Variants in F13A1 observed in about 807,000 individuals in gnomAD.
F13A1 encodes the protein FSF, A subunit.
A neutral mutation model predicts 80.1 loss-of-function variants in F13A1; 47 were observed. That is an observed-to-expected ratio of 0.59 (90% CI 0.46 to 0.75). F13A1 has a LOEUF of 0.75. Ranked by LOEUF, F13A1 falls within the 30% of genes least tolerant of loss-of-function variation. The pLI, the probability that F13A1 is intolerant of heterozygous loss-of-function variation, is 0.00. For missense variants in F13A1, 817 were observed against 930.4 expected, an observed-to-expected ratio of 0.88 and a Z score of 1.59; for synonymous variants, 349 against 344.9, an observed-to-expected ratio of 1.01 and a Z score of -0.13.
chr6:6,296,956 AG>A (rs879392221), intron 3 of F13A1, among the ~76,000 whole-genome samples: 2,194 of 147,718 alleles, frequency 0.015, 27 homozygotes, highest in South Asian at 0.024. Flanking sequence ...TTTAGCATGA[AG>A]GGTTGTTGAA....
Position 6,229,526 on chromosome 6 carries a change from A to G in F13A1, c.799-4666T>C, listed in dbSNP as rs141116247. Among the ~76,000 whole-genome samples the G allele has an allele frequency of 4.8e-3, 727 of 152,344 alleles. 8 individuals are homozygous for G. The highest frequency in any genetic ancestry group is 0.016 in the African/African-American group (676 of 41,578). On this transcript the variant is annotated intron_variant, in intron 6 of 14. Transcript: ENST00000264870. ...AGTACCATAGTTATGGAAAACAAAG[A>G]TGATACAACATAAGGATGATTAGTG...
chr6:6,149,305 C>T (rs557684707), intron 14 of F13A1, among the ~76,000 whole-genome samples: 45 of 152,064 alleles, frequency 3.0e-4, no homozygotes, highest in Non-Finnish European at 4.7e-4. Context: ...ATATATGTAT[C>T]GAAACATCAA....
At chr6:6,267,671 G>C (rs762701846) in intron 3 of F13A1, among the ~76,000 whole-genome samples, 1 of 151,948 alleles carries the variant, frequency 6.6e-6, no homozygotes, top group Non-Finnish European at 1.5e-5. Flanking sequence ...AGAATACGTC[G>C]TATTTAAAAA....
At chr6:6,239,154 A>G (rs1030307438) in intron 6 of F13A1, among the ~76,000 whole-genome samples, 8 of 152,196 alleles carry the variant, frequency 5.3e-5, no homozygotes, top group African/African-American at 1.9e-4. Flanking sequence ...CAATGCAATA[A>G]AATACTTCTT....
At chr6:6,237,609 T>C (rs1458293594) in intron 6 of F13A1, among the ~76,000 whole-genome samples, 1 of 152,230 alleles carries the variant, frequency 6.6e-6, no homozygotes, top group African/African-American at 2.4e-5. Context: ...AAAACTCAGC[T>C]GGTTTCACCC....
intron 6 of F13A1, among the ~76,000 whole-genome samples, chr6:6,229,079 T>C: frequency 6.6e-6 from 1 of 152,212 alleles, no homozygotes. Context: ...TGGCCTCAAA[T>C]TGTAGTTCAG....
Position 6,243,013 on chromosome 6 carries a change from T to G in F13A1, c.798+5299A>C, listed in dbSNP as rs1487027654. On this transcript the variant is annotated intron_variant, in intron 6 of 14. Transcript: ENST00000264870. The surrounding 1 kb of genome is among the most constrained non-coding windows in gnomAD (Gnocchi z 4.2). ...AGCTTTGTGAAGGCAGAAACTTAAT[T>G]TTGTTCACAATTGTACTCCAGTGTT... is the stretch of plus-strand genomic sequence containing the variant. 2.0e-5 allele frequency among the ~76,000 whole-genome samples: 3 copies of G among 152,186 alleles called. No homozygotes were observed. The East Asian group carries it at 5.8e-4, about 29-fold the overall frequency.
chr6:6,183,379 T>C (rs1044521821), intron 10 of F13A1, among the ~76,000 whole-genome samples: 1 of 152,236 alleles, frequency 6.6e-6, no homozygotes, highest in Non-Finnish European at 1.5e-5. Context: ...TTGAATAGTA[T>C]TGCCAGATAT....
chr6:6,308,770 G>A (rs1758549981), intron 2 of F13A1, among the ~76,000 whole-genome samples: 1 of 151,822 alleles, frequency 6.6e-6, no homozygotes, highest in Non-Finnish European at 1.5e-5. Context: ...ACACCACCAT[G>A]CCTGGCTAAT....
In F13A1 at chr6:6,152,276, G is replaced by T. The variant is rs759729150; in HGVS notation, c.1909-327C>A. Among the ~76,000 whole-genome samples the T allele has an allele frequency of 4.0e-4, 61 of 152,268 alleles. 1 individual carries two copies. Among genetic ancestry groups the T allele is most frequent in the African/African-American group, 1.4e-3 (60 of 41,540 alleles). ...GGCAACACGTTTCCACGGTGAGGGC[G>T]GCCAAGTGAACTTTGCTTCTGGATA... On this transcript the variant is annotated intron_variant, in intron 13 of 14. Coordinates refer to ENST00000264870, the MANE Select transcript of F13A1 (RefSeq NM_000129.4).
Position 6,222,022 on chromosome 6 carries a change from A to G in F13A1, c.1112+11T>C, listed in dbSNP as rs758486753. 2.7e-5 allele frequency: 44 copies of G among 1,613,484 alleles called. No homozygotes were observed. Among genetic ancestry groups the G allele is most frequent in the East Asian group, 4.5e-5 (2 of 44,878 alleles). On this transcript the variant is annotated intron_variant, in intron 8 of 14. Transcript: ENST00000264870. The stretch of plus-strand genomic sequence containing the variant: ...GTGACATCAGCCAATGCCATTGTCA[A>G]TCAAACTCACCACACTGAATCCTTG...
intron 10 of F13A1, among the ~76,000 whole-genome samples, chr6:6,193,671 T>C (rs1761241049): frequency 6.6e-6 from 1 of 152,198 alleles, no homozygotes; most frequent in African/African-American, 2.4e-5. Flanking sequence ...TATTTAATAA[T>C]AGCAAAAAGT....
rs1461887724 is a variant in F13A1 at position 6,243,072 on chromosome 6, C to G, written c.798+5240G>C. ...TAGATTGCCATAAACATTTGTCAAA[C>G]AAATGAGTAAATACTGAGTGTTTTA... On this transcript the variant is annotated intron_variant, in intron 6 of 14. Transcript: ENST00000264870. The surrounding 1 kb of genome is among the most constrained non-coding windows in gnomAD (Gnocchi z 4.2). Among the ~76,000 whole-genome samples the G allele has an allele frequency of 1.3e-5, 2 of 152,164 alleles. No individual in the cohort carries two copies. Among genetic ancestry groups the G allele is most frequent in the Non-Finnish European group, 2.9e-5 (2 of 68,032 alleles).
At chr6:6,281,700 T>C (rs970198782) in intron 3 of F13A1, among the ~76,000 whole-genome samples, 1 of 151,950 alleles carries the variant, frequency 6.6e-6, no homozygotes, top group Non-Finnish European at 1.5e-5. Context: ...AGATAAAAAA[T>C]GTATGGAGGA....
At chr6:6,234,664 T>C (rs990979830) in intron 6 of F13A1, among the ~76,000 whole-genome samples, 3 of 152,026 alleles carry the variant, frequency 2.0e-5, no homozygotes, top group Non-Finnish European at 4.4e-5. Context: ...AGTTAATTGA[T>C]ACCATCTAAC....
chr6:6,190,858 G>A (rs1198988647), intron 10 of F13A1, among the ~76,000 whole-genome samples: 2 of 151,654 alleles, frequency 1.3e-5, no homozygotes, highest in African/African-American at 2.4e-5. Context: ...TCAGACTGCT[G>A]TGCTAGCAAT....
intron 3 of F13A1, among the ~76,000 whole-genome samples, chr6:6,292,026 G>C (rs763619578): frequency 6.6e-6 from 1 of 152,172 alleles, no homozygotes; most frequent in Non-Finnish European, 1.5e-5. Flanking sequence ...GTAAGTAGAA[G>C]AGGCTGCTTG....
In F13A1 at chr6:6,145,729, G is replaced by A. The variant is rs776438603; in HGVS notation, c.2089C>T (p.Arg697Trp). Residue 697 changes from arginine (R) to tryptophan (W), a missense_variant, in exon 15 of 15, where the codon CGG becomes TGG. Arg to Trp is a moderately radical substitution (Grantham distance 101). Coordinates refer to ENST00000264870, the MANE Select transcript of F13A1 (RefSeq NM_000129.4). ...TTCCGATGCCCAGAGACCCAGGGCC[G>A]GCACACTTCTTCCCACTGCACGGTG... Reference protein sequence around the residue: ...NSTVQWEEVCRPWVSGHRKLI... With the variant: ...NSTVQWEEVCWPWVSGHRKLI... The A allele has an allele frequency of 3.3e-5, 54 of 1,614,072 alleles. No homozygotes were observed. Among genetic ancestry groups the A allele is most frequent in the Middle Eastern group, 3.3e-4 (2 of 6,060 alleles).
chr6:6,243,317 ATCACCACCACCG>A lies in F13A1; in HGVS notation c.798+4983_798+4994del, dbSNP rs1757511130. On this transcript the variant is annotated intron_variant, in intron 6 of 14. Coordinates refer to ENST00000264870, the MANE Select transcript of F13A1 (RefSeq NM_000129.4). The surrounding 1 kb of genome is among the most constrained non-coding windows in gnomAD (Gnocchi z 4.2). ...CACCACCATTATTATCACAATCACT[ATCACCACCACCG>A]TCACCACCACCATCATCACTAACTC... Among the ~76,000 whole-genome samples the A allele has an allele frequency of 6.7e-6, 1 of 150,360 alleles. No homozygotes were observed. Among genetic ancestry groups the A allele is most frequent in the East Asian group, 2.0e-4 (1 of 5,108 alleles).
Sources: gnomAD v4.1 joint callset for allele counts (sites outside exome capture counted in the v4.1 genomes callset) on GRCh38, gnomAD v4.1.1 for gene constraint, Gnocchi (gnomAD v3.1) non-coding constraint, MANE v1.5 for transcripts, NCBI Gene and HGNC (gene_info 2026-07-23, HGNC 2026-07-21) for gene names.